NOTCH2NLC: variants seen among roughly 807,000 people sequenced by gnomAD.
The protein encoded by NOTCH2NLC is notch homolog 2 N-terminal-like protein C.
In NOTCH2NLC, 4 loss-of-function variants were observed where a neutral mutation model predicts 17.7. That is an observed-to-expected ratio of 0.23 (90% CI 0.11 to 0.52). NOTCH2NLC has a LOEUF of 0.52. Among genes scored for constraint, NOTCH2NLC ranks in the 20% least tolerant of loss-of-function variants. NOTCH2NLC has a pLI of 0.96. For synonymous variants in NOTCH2NLC, 18 were observed against 86.0 expected (o/e 0.21, Z 4.38); for missense variants, 57 against 207.2 (o/e 0.28, Z 4.45).
chr1:149,402,311 C>T lies in NOTCH2NLC; in HGVS notation c.135+11389C>T, dbSNP rs2084250907. Among the ~76,000 whole-genome samples the T allele has an allele frequency of 2.0e-5, 3 of 150,992 alleles. No homozygotes were observed. In the South Asian group the frequency reaches 6.3e-4, roughly 32 times the overall value. On this transcript the variant is annotated intron_variant, in intron 1 of 4. Transcript: ENST00000650865. ...GGGCAGGCTGGTCTCGTACTCCTGA[C>T]CTCAGGTGATCCACCCACCTCAGCC...
intron 1 of NOTCH2NLC, among the ~76,000 whole-genome samples, chr1:149,409,375 A>G (rs1168125678): frequency 2.0e-5 from 3 of 150,530 alleles, no homozygotes; most frequent in African/African-American, 7.3e-5. Context: ...AGACCTTGGA[A>G]TTGTTTTTTC....
rs1202808200 is a variant in NOTCH2NLC, at chr1:149,442,007, G to T, written c.209+10992G>T. ...TTGATTCCCTGTGAGCTTAAATTTA[G>T]TGCTTCTCTTCCCAGACCGTTGTCT... On this transcript the variant is annotated intron_variant, in intron 2 of 4. Coordinates refer to ENST00000650865, the MANE Select transcript of NOTCH2NLC (RefSeq NM_001364013.2). 5.8e-5 allele frequency among the ~76,000 whole-genome samples: 8 copies of T among 137,848 alleles called. No homozygotes were observed. In the East Asian group the frequency reaches 1.8e-3, roughly 31 times the overall value. The allele number at this position is 137,848 out of a possible 152,430, so 90.4% of individuals were successfully genotyped here. A position where few individuals can be genotyped will look rare whatever the true frequency, so the allele number is the denominator to read the frequency against.
At chr1:149,426,634 TAC>T (rs2084414598) in intron 1 of NOTCH2NLC, among the ~76,000 whole-genome samples, 1 of 130,784 alleles carries the variant, frequency 7.6e-6, no homozygotes, top group Non-Finnish European at 1.6e-5. Context: ...AAACAGCAGA[TAC>T]ACACACAGTA....
chr1:149,416,640 G>C (rs1461565868), intron 1 of NOTCH2NLC, among the ~76,000 whole-genome samples: 1 of 131,430 alleles, frequency 7.6e-6, no homozygotes, highest in Non-Finnish European at 1.6e-5. Context: ...TTTTGCTCCT[G>C]TGTTGCTACT....
At chr1:149,460,913 T>TTCTTTCTTTC in intron 3 of NOTCH2NLC, among the ~76,000 whole-genome samples, 1 of 114,454 alleles carries the variant, frequency 8.7e-6, no homozygotes, top group South Asian at 3.2e-4. Context: ...CTTTCTTTCT[T>TTCTTTCTTTC]TCTCTCTCTT....
At position 149,445,924 on chromosome 1, in the gene NOTCH2NLC, A is replaced by T. The variant is rs2084550290; in HGVS notation, c.210-9394A>T. 2.2e-5 allele frequency among the ~76,000 whole-genome samples: 3 copies of T among 138,632 alleles called. 1 individual carries two copies. The Middle Eastern group carries it at 0.012, about 537-fold the overall frequency. 90.9% of individuals were successfully genotyped at this position (138,632 alleles called of 152,430 possible). A position where few individuals can be genotyped will look rare whatever the true frequency, so the allele number is the denominator to read the frequency against. ...TTTAAAAAAAAAAAAAAAAAAAAAA[A>T]AGCTAAAGACAGAGCTGCAGCAAAG... On this transcript the variant is annotated intron_variant, in intron 2 of 4. Coordinates refer to ENST00000650865, the MANE Select transcript of NOTCH2NLC (RefSeq NM_001364013.2).
chr1:149,412,226 A>C (rs1326880287), intron 1 of NOTCH2NLC, among the ~76,000 whole-genome samples: 1 of 149,814 alleles, frequency 6.7e-6, no homozygotes, highest in Non-Finnish European at 1.5e-5. Flanking sequence ...TAAACTGCAG[A>C]TCATGACCAC....
At chr1:149,419,855 ATTT>A (rs1166865199) in intron 1 of NOTCH2NLC, among the ~76,000 whole-genome samples, 7 of 78,202 alleles carry the variant, frequency 9.0e-5, no homozygotes, top group African/African-American at 1.2e-4. Flanking sequence ...ATATATATAT[ATTT>A]TTTTTTTTTT....
rs1381235562 is a variant in NOTCH2NLC at position 149,415,332 on chromosome 1, TAGAC to T, written c.136-15607_136-15604del. On this transcript the variant is annotated intron_variant, in intron 1 of 4. Coordinates refer to ENST00000650865, the MANE Select transcript of NOTCH2NLC (RefSeq NM_001364013.2). ...GTAACTAAAAGTAAGAAAAATAAAT[TAGAC>T]AGTTTATTTCATTTCAGACTTTGGA... Among the ~76,000 whole-genome samples the T allele has an allele frequency of 5.5e-3, 300 of 54,590 alleles. 3 individuals are homozygous for T. Among genetic ancestry groups the T allele is most frequent in the Middle Eastern group, 0.011 (2 of 174 alleles). 35.8% of individuals were successfully genotyped at this position (54,590 alleles called of 152,430 possible).
In NOTCH2NLC at chr1:149,468,966, T is replaced by C. The variant is rs1221554084; in HGVS notation, c.*4813T>C. Among the ~76,000 whole-genome samples, 13 of 123,448 alleles carry C rather than the reference T, an allele frequency of 1.1e-4. No individual in the cohort carries two copies. The highest frequency in any genetic ancestry group is 1.6e-4 in the Admixed American group (2 of 12,190). The allele number at this position is 123,448 out of a possible 152,430, so 81.0% of individuals were successfully genotyped here. On this transcript the variant is annotated 3_prime_UTR_variant, in exon 5 of 5. Coordinates refer to ENST00000650865, the MANE Select transcript of NOTCH2NLC (RefSeq NM_001364013.2). ...TCATTTTCTTTTCTTTTCTTTTTTT[T>C]TTTTTTTTTTTTTTTTGAGACGGAG... is the stretch of plus-strand genomic sequence containing the variant.
Position 149,460,913 on chromosome 1 carries a change from T to TTCTC in NOTCH2NLC, c.470-2572_470-2569dup, listed in dbSNP as rs1304886209. Among the ~76,000 whole-genome samples the TTCTC allele has an allele frequency of 4.8e-3, 551 of 114,380 alleles. 28 individuals are homozygous for TTCTC. Among genetic ancestry groups the TTCTC allele is most frequent in the Admixed American group, 0.033 (350 of 10,612 alleles). 75.0% of individuals were successfully genotyped at this position (114,380 alleles called of 152,430 possible). A position where few individuals can be genotyped will look rare whatever the true frequency, so the allele number is the denominator to read the frequency against. On this transcript the variant is annotated intron_variant, in intron 3 of 4. Coordinates refer to ENST00000650865, the MANE Select transcript of NOTCH2NLC (RefSeq NM_001364013.2). ...TTTCTTTCTTTCTTTCTTTCTTTCT[T>TTCTC]TCTCTCTCTTTCTCTCTTTCTCTCT...
intron 1 of NOTCH2NLC, among the ~76,000 whole-genome samples, chr1:149,421,494 A>G (rs2084379235): frequency 1.5e-5 from 2 of 133,482 alleles, no homozygotes; most frequent in Non-Finnish European, 3.2e-5. Context: ...GCGAGACTCC[A>G]TCTCAAAAAA....
At chr1:149,437,614 C>T (rs1427944526) in intron 2 of NOTCH2NLC, among the ~76,000 whole-genome samples, 1 of 116,814 alleles carries the variant, frequency 8.6e-6, no homozygotes, top group Admixed American at 9.3e-5. Flanking sequence ...CAAGCGCCCG[C>T]CACCACGCCC....
intron 2 of NOTCH2NLC, among the ~76,000 whole-genome samples, chr1:149,449,637 A>G (rs1466275224): frequency 0.013 from 1,916 of 151,444 alleles, 75 homozygotes; most frequent in South Asian, 0.026. Flanking sequence ...TTCAAAATTA[A>G]GACATAATTT....
rs1300794808 is a variant in NOTCH2NLC at position 149,468,818 on chromosome 1, G to A, written c.*4665G>A. On this transcript the variant is annotated 3_prime_UTR_variant, in exon 5 of 5. Transcript: ENST00000650865. Reference sequence around the variant, plus strand: ...GCGGGTGATGGAGTGGGAGATACGTGGCACAGGGGTCAGTGAGTTAATCTG... The same window carrying A: ...GCGGGTGATGGAGTGGGAGATACGTAGCACAGGGGTCAGTGAGTTAATCTG... Among the ~76,000 whole-genome samples the A allele has an allele frequency of 1.4e-5, 2 of 140,636 alleles. No homozygotes were observed. Among genetic ancestry groups the A allele is most frequent in the African/African-American group, 5.2e-5 (2 of 38,416 alleles). 92.3% of individuals were successfully genotyped at this position (140,636 alleles called of 152,430 possible). A position where few individuals can be genotyped will look rare whatever the true frequency, so the allele number is the denominator to read the frequency against.
At chr1:149,409,552 C>G (rs1284059685) in intron 1 of NOTCH2NLC, among the ~76,000 whole-genome samples, 1 of 145,980 alleles carries the variant, frequency 6.9e-6, no homozygotes, top group Non-Finnish European at 1.5e-5. Flanking sequence ...AGTCTGAGAA[C>G]TGTTGATGTG....
intron 2 of NOTCH2NLC, among the ~76,000 whole-genome samples, chr1:149,440,349 T>C: frequency 1.4e-5 from 2 of 145,720 alleles, no homozygotes; most frequent in Non-Finnish European, 3.0e-5. Context: ...AAGAGGCCTG[T>C]GTTACCTGAC....
Position 149,471,078 on chromosome 1 carries a change from AT to A in NOTCH2NLC, c.*6929del, listed in dbSNP as rs2084716036. Among the ~76,000 whole-genome samples the A allele has an allele frequency of 6.8e-6, 1 of 146,562 alleles. No homozygotes were observed. Among genetic ancestry groups the A allele is most frequent in the Non-Finnish European group, 1.5e-5 (1 of 65,726 alleles). On this transcript the variant is annotated 3_prime_UTR_variant, in exon 5 of 5. Coordinates refer to ENST00000650865, the MANE Select transcript of NOTCH2NLC (RefSeq NM_001364013.2). The stretch of plus-strand genomic sequence containing the variant: ...ATTTACATTTCCCTGATGGTTGATG[AT>A]TTTCAACATCTTTTCATATACTTAT...
At chr1:149,404,765 A>G (rs2084258745) in intron 1 of NOTCH2NLC, among the ~76,000 whole-genome samples, 1 of 142,836 alleles carries the variant, frequency 7.0e-6, no homozygotes, top group South Asian at 2.3e-4. Context: ...AATTGGATTA[A>G]CCTGGACTGG....
Sources: gnomAD v4.1 joint callset for allele counts (sites outside exome capture counted in the v4.1 genomes callset) on GRCh38, gnomAD v4.1.1 for gene constraint, MANE v1.5 for transcripts, NCBI Gene and HGNC (gene_info 2026-07-23, HGNC 2026-07-21) for gene names.